Variants in KMT2A observed in about 807,000 individuals in gnomAD.
The protein encoded by KMT2A is lysine methyltransferase 2A.
In KMT2A, 16 loss-of-function variants were observed where a neutral mutation model predicts 345.3. That is an observed-to-expected ratio of 0.05 (90% CI 0.03 to 0.07). KMT2A has a LOEUF of 0.07. Ranked by LOEUF, KMT2A falls within the 10% of genes least tolerant of loss-of-function variation. The pLI is 1.00. For synonymous variants in KMT2A, 1,599 were observed against 1,778.6 expected, an observed-to-expected ratio of 0.90 and a Z score of 2.54; for missense variants, 3,272 against 4,841.6, an observed-to-expected ratio of 0.68 and a Z score of 9.62.
Position 118,524,167 on chromosome 11 carries a change from C to A in KMT2A, c.*1995C>A, listed in dbSNP as rs141036837. On this transcript the variant is annotated 3_prime_UTR_variant, in exon 36 of 36. Coordinates refer to ENST00000534358, the MANE Select transcript of KMT2A (RefSeq NM_001197104.2). ...ATATCTGCAGAGAACCCATTGATCA[C>A]CTTGTGCCCTCTTTTGGGGCAGCCT... The A allele has an allele frequency of 5.4e-6, 1 of 183,766 alleles. No homozygotes were observed. Among genetic ancestry groups the A allele is most frequent in the South Asian group, 2.0e-4 (1 of 5,106 alleles). 11.4% of individuals were successfully genotyped at this position (183,766 alleles called of 1,614,324 possible).
intron 1 of KMT2A, among the ~76,000 whole-genome samples, chr11:118,453,504 A>G (rs1555029677): frequency 6.6e-6 from 1 of 152,080 alleles, no homozygotes; most frequent in Non-Finnish European, 1.5e-5. Context: ...ACTCTCCTGA[A>G]TAAGGTTCCC....
Position 118,473,264 on chromosome 11 carries a change from T to C in KMT2A, c.2105T>C (p.Phe702Ser). 1 of 1,611,358 alleles carries C rather than the reference T, an allele frequency of 6.2e-7. No homozygotes were observed. Among genetic ancestry groups the C allele is most frequent in the Non-Finnish European group, 8.5e-7 (1 of 1,178,936 alleles). Residue 702 changes from phenylalanine (F) to serine (S), a missense_variant, in exon 3 of 36, where the codon TTT becomes TCT. Phe to Ser is a radical substitution (Grantham distance 155). Coordinates refer to ENST00000534358, the MANE Select transcript of KMT2A (RefSeq NM_001197104.2). The surrounding 1 kb of genome is among the most constrained non-coding windows in gnomAD (Gnocchi z 5.2). ...AGCCCTCTTCTGAGAGCTCCAAGAT[T>C]TACTCCAAGTGAGGCTCACTCTAGA... is the stretch of plus-strand genomic sequence containing the variant. ...KRSPLLRAPR[F>S]TPSEAHSRIF...
At chr11:118,457,711 A>G (rs1273738738) in intron 1 of KMT2A, among the ~76,000 whole-genome samples, 8 of 151,182 alleles carry the variant, frequency 5.3e-5, no homozygotes, top group Non-Finnish European at 8.8e-5. Flanking sequence ...CTCTGCTTGC[A>G]CTACACTCCT....
chr11:118,465,212 A>G (rs495132), intron 1 of KMT2A, among the ~76,000 whole-genome samples: 127,388 of 152,100 alleles, frequency 0.84, 54,072 homozygotes, highest in Admixed American at 0.9. Context: ...CACTATAGCT[A>G]GGTGACAGAG....
intron 1 of KMT2A, among the ~76,000 whole-genome samples, chr11:118,443,560 A>G (rs1555026433): frequency 6.6e-6 from 1 of 152,220 alleles, no homozygotes; most frequent in Non-Finnish European, 1.5e-5. Flanking sequence ...GATTAGTCCA[A>G]AACTTCTAAG....
At chr11:118,447,981 A>T (rs189001933) in intron 1 of KMT2A, 216 of 156,616 alleles carry the variant, frequency 1.4e-3, no homozygotes, top group South Asian at 3.1e-3. Context: ...AGTCCTGCCT[A>T]CATATGTATA....
At position 118,502,321 on chromosome 11, in the gene KMT2A, C is replaced by A. The variant is rs2134383866; in HGVS notation, c.6506-77C>A. 1 of 855,088 alleles carries A rather than the reference C, an allele frequency of 1.2e-6. No individual in the cohort carries two copies. The highest frequency in any genetic ancestry group is 1.8e-6 in the Non-Finnish European group (1 of 555,274). 53.0% of individuals were successfully genotyped at this position (855,088 alleles called of 1,614,324 possible). On this transcript the variant is annotated intron_variant, in intron 26 of 35. Transcript: ENST00000534358. The surrounding 1 kb of genome is among the most constrained non-coding windows in gnomAD (Gnocchi z 4.9). ...ACCTATAAATATATATATATATAGT[C>A]AAATCATTGAAACCAGTGACTTCTA...
Position 118,498,161 on chromosome 11 carries a change from T to C in KMT2A, c.5802+88T>C. 1 of 1,418,700 alleles carries C rather than the reference T, an allele frequency of 7.0e-7. No homozygotes were observed. The highest frequency in any genetic ancestry group is 9.8e-7 in the Non-Finnish European group (1 of 1,018,506). 87.9% of individuals were successfully genotyped at this position (1,418,700 alleles called of 1,614,324 possible). ...GTGGGTGAATATGGCCTCCCTGATA[T>C]TTTTCACAGTGCCATCAGGGTAGTT... On this transcript the variant is annotated intron_variant, in intron 21 of 35. Coordinates refer to ENST00000534358, the MANE Select transcript of KMT2A (RefSeq NM_001197104.2). This position sits in a 1 kb window ranked among gnomAD's most constrained non-coding sequence, Gnocchi z 4.4.
chr11:118,476,829 A>T lies in KMT2A; in HGVS notation c.3181A>T (p.Thr1061Ser), dbSNP rs1950046734. Residue 1061 changes from threonine (T) to serine (S), a missense_variant, in exon 4 of 36, where the codon ACC becomes TCC. This residue lies in a region of KMT2A where 29 missense variants were observed against 27.1 expected (regional missense o/e 1.07). Transcript: ENST00000534358. This position sits in a 1 kb window ranked among gnomAD's most constrained non-coding sequence, Gnocchi z 4.1. The stretch of plus-strand genomic sequence containing the variant: ...GGGTCAAGAAAGTGACTCATCAGAG[A>T]CCTCTGTGCGAGGACCCCGGATTAA... ...AQGQESDSSE[T>S]SVRGPRIKHV... 6.2e-7 allele frequency: 1 copy of T among 1,611,048 alleles called. No homozygotes were observed. Among genetic ancestry groups the T allele is most frequent in the Admixed American group, 1.7e-5 (1 of 59,920 alleles).
Position 118,472,824 on chromosome 11 carries a change from G to A in KMT2A, c.1665G>A (p.Gln555=), listed in dbSNP as rs2134263341. 2 of 1,613,832 alleles carry A rather than the reference G, an allele frequency of 1.2e-6. No homozygotes were observed. Among genetic ancestry groups the A allele is most frequent in the Non-Finnish European group, 1.7e-6 (2 of 1,179,962 alleles). Residue 555 remains glutamine, a synonymous_variant, in exon 3 of 36, where the codon CAG becomes CAA. Coordinates refer to ENST00000534358, the MANE Select transcript of KMT2A (RefSeq NM_001197104.2). ...KLSTLQSAPQ[Q]QTSSSPPPPL... ...CAACTCTACAAAGTGCCCCCCAGCA[G>A]CAGACCTCCTCGTCTCCACCTCCAC...
intron 31 of KMT2A, among the ~76,000 whole-genome samples, chr11:118,518,135 A>G (rs1192801620): frequency 6.6e-6 from 1 of 152,202 alleles, no homozygotes; most frequent in Non-Finnish European, 1.5e-5. Flanking sequence ...CTGTTTCTAT[A>G]TCTATTAATA....
Position 118,509,157 on chromosome 11 carries a change from A to T in KMT2A, c.10857A>T (p.Glu3619Asp), listed in dbSNP as rs2134426933. 1 of 1,613,966 alleles carries T rather than the reference A, an allele frequency of 6.2e-7. No homozygotes were observed. The highest frequency in any genetic ancestry group is 8.5e-7 in the Non-Finnish European group (1 of 1,179,910). ...QPAGQVAVLPEVQVTQNPANE... is the reference protein window; with the variant it reads ...QPAGQVAVLPDVQVTQNPANE... ...TTAGGCAAGTCGCTGTTCTTCCGGA[A>T]GTTCAGGTGACCCAAAATCCAGCAA... Residue 3619 changes from glutamate to aspartate, a missense_variant, in exon 29 of 36, where the codon GAA becomes GAT. Around this residue, in one of 27 missense-constraint regions of KMT2A, gnomAD observed 748 missense variants for 922.2 expected, o/e 0.81. Coordinates refer to ENST00000534358, the MANE Select transcript of KMT2A (RefSeq NM_001197104.2).
In KMT2A at chr11:118,496,860, C is replaced by T. The variant is rs1311287371; in HGVS notation, c.5664+493C>T. Reference sequence around the variant, plus strand: ...TTCATCTTTAAAATGAAGATAATAACGCTTACCTCAGAGTGGCTGTGAGGA... The same window carrying T: ...TTCATCTTTAAAATGAAGATAATAATGCTTACCTCAGAGTGGCTGTGAGGA... On this transcript the variant is annotated intron_variant, in intron 20 of 35. Transcript: ENST00000534358. The surrounding 1 kb of genome is among the most constrained non-coding windows in gnomAD (Gnocchi z 4.7). 3.9e-5 allele frequency among the ~76,000 whole-genome samples: 6 copies of T among 152,194 alleles called. No homozygotes were observed. The highest frequency in any genetic ancestry group is 8.8e-5 in the Non-Finnish European group (6 of 68,038).
intron 28 of KMT2A, among the ~76,000 whole-genome samples, chr11:118,508,059 G>A (rs1403866729): frequency 1.3e-5 from 2 of 152,142 alleles, no homozygotes; most frequent in Non-Finnish European, 2.9e-5. Flanking sequence ...TTGTAAACAA[G>A]TAAACAAAAA....
chr11:118,439,158 CAA>C (rs34166714), intron 1 of KMT2A: 12,024 of 256,042 alleles, frequency 0.047, no homozygotes, highest in South Asian at 0.057. Context: ...GATACAGCAG[CAA>C]AAAAAAAAAA....
At chr11:118,448,385 A>T (rs1949464871) in intron 1 of KMT2A, 1 of 152,192 alleles carries the variant, frequency 6.6e-6, no homozygotes, top group African/African-American at 2.4e-5. Context: ...CATGTTAGTT[A>T]GTATTATAAA....
At position 118,468,298 on chromosome 11, in the gene KMT2A, T is replaced by C. The variant is rs543801172; in HGVS notation, c.433-477T>C. The stretch of plus-strand genomic sequence containing the variant: ...TCCTGAGTTAAGGAACTGACAATTA[T>C]GGCACTTTCAGTCTCTATTAATATT... On this transcript the variant is annotated intron_variant, in intron 1 of 35. Transcript: ENST00000534358. 2.0e-5 allele frequency among the ~76,000 whole-genome samples: 3 copies of C among 152,332 alleles called. No individual in the cohort carries two copies. The East Asian group carries it at 5.8e-4, about 29-fold the overall frequency.
chr11:118,439,171 A>G, intron 1 of KMT2A: 2 of 405,606 alleles, frequency 4.9e-6, no homozygotes, highest in Non-Finnish European at 9.6e-6. Flanking sequence ...AAAAAAAAAA[A>G]AAGAAAAAAA....
In KMT2A at chr11:118,494,565, A is replaced by G; in HGVS notation, c.5290-129A>G. 1.1e-6 allele frequency: 1 copy of G among 908,200 alleles called. No individual in the cohort carries two copies. The highest frequency in any genetic ancestry group is 1.7e-6 in the Non-Finnish European group (1 of 583,766). 56.3% of individuals were successfully genotyped at this position (908,200 alleles called of 1,614,324 possible). A position where few individuals can be genotyped will look rare whatever the true frequency, so the allele number is the denominator to read the frequency against. ...GAGAGGAACTTGGTGAGGTTGCCAG[A>G]GTGGATGGATCTTTCTCTTGGTGGC... On this transcript the variant is annotated intron_variant, in intron 17 of 35. Coordinates refer to ENST00000534358, the MANE Select transcript of KMT2A (RefSeq NM_001197104.2). This position sits in a 1 kb window ranked among gnomAD's most constrained non-coding sequence, Gnocchi z 5.8.
Sources: allele counts gnomAD v4.1 joint callset (sites outside exome capture counted in the v4.1 genomes callset), GRCh38; gene constraint gnomAD v4.1.1; regional missense constraint gnomAD v4.1.1; non-coding constraint Gnocchi (gnomAD v3.1); transcripts MANE v1.5; gene names NCBI Gene and HGNC (gene_info 2026-07-23, HGNC 2026-07-21).